The following APBA1 variants were observed in gnomAD, a reference collection of about 807,000 sequenced individuals.
APBA1 encodes amyloid beta precursor protein binding family A member 1.
APBA1 carries 55 observed loss-of-function variants against 86.6 expected under a neutral mutation model. The observed-to-expected ratio is 0.64, with a 90% CI of 0.51 to 0.80. APBA1 has a LOEUF of 0.80. APBA1 is among the 30% of genes least tolerant of loss of function. The pLI, the probability that APBA1 is intolerant of heterozygous loss-of-function variation, is 0.00. For missense variants in APBA1, 1,090 were observed against 1,183.0 expected (o/e 0.92, Z 1.15); for synonymous variants, 511 against 493.9 (o/e 1.03, Z -0.46).
chr9:69,545,436 C>T (rs776951744), intron 1 of APBA1, among the ~76,000 whole-genome samples: 1 of 152,164 alleles, frequency 6.6e-6, no homozygotes, highest in Non-Finnish European at 1.5e-5. Flanking sequence ...ATTTTCTTTC[C>T]TCTTTAAGCT....
At chr9:69,523,534 G>T (rs4128939) in intron 1 of APBA1, among the ~76,000 whole-genome samples, 262 of 102,690 alleles carry the variant, frequency 2.6e-3, no homozygotes, top group Non-Finnish European at 3.1e-3. Flanking sequence ...TATATATATA[G>T]ACACACACAC....
chr9:69,427,825 T>C lies in APBA1; in HGVS notation c.*3502A>G, dbSNP rs1834513633. Reference sequence around the variant, plus strand: ...AGTTTTGTGTATACAAAGAACGATATTGTTACAAATACAATACTATACTTC... The same window carrying C: ...AGTTTTGTGTATACAAAGAACGATACTGTTACAAATACAATACTATACTTC... On this transcript the variant is annotated 3_prime_UTR_variant, in exon 13 of 13. Coordinates refer to ENST00000265381, the MANE Select transcript of APBA1 (RefSeq NM_001163.4). 1 of 152,000 alleles carries C rather than the reference T, an allele frequency of 6.6e-6. No individual in the cohort carries two copies. The allele number at this position is 152,000 out of a possible 1,614,324, so 9.4% of individuals were successfully genotyped here.
intron 1 of APBA1, among the ~76,000 whole-genome samples, chr9:69,643,042 AC>A (rs764308484): frequency 3.8e-4 from 57 of 148,262 alleles, no homozygotes; most frequent in Middle Eastern, 3.5e-3. Context: ...ACACACACAC[AC>A]CCCTCCTCCC....
intron 2 of APBA1, among the ~76,000 whole-genome samples, chr9:69,497,223 C>A (rs1835813275): frequency 6.6e-6 from 1 of 151,964 alleles, no homozygotes; most frequent in South Asian, 2.1e-4. Flanking sequence ...TGGAAAACTC[C>A]CCCAGCAGCA....
At chr9:69,602,526 G>A (rs1247013740) in intron 1 of APBA1, among the ~76,000 whole-genome samples, 2 of 151,760 alleles carry the variant, frequency 1.3e-5, no homozygotes, top group African/African-American at 2.4e-5. Flanking sequence ...TGCCAAGATC[G>A]CGCCACTGCA....
intron 11 of APBA1, among the ~76,000 whole-genome samples, chr9:69,434,416 A>C (rs1437453179): frequency 6.7e-6 from 1 of 148,246 alleles, no homozygotes; most frequent in Non-Finnish European, 1.5e-5. Flanking sequence ...ACTGGCTTAA[A>C]ACAAAAAAAA....
At chr9:69,611,294 AAAAAAAAAAAC>A (rs1822582864) in intron 1 of APBA1, among the ~76,000 whole-genome samples, 1 of 151,040 alleles carries the variant, frequency 6.6e-6, no homozygotes, top group African/African-American at 2.4e-5. Context: ...GGAAAAAAAA[AAAAAAAAAAAC>A]AAAAAAAAAA....
chr9:69,470,807 G>C (rs1198341102), intron 4 of APBA1, among the ~76,000 whole-genome samples: 1 of 152,214 alleles, frequency 6.6e-6, no homozygotes, highest in Non-Finnish European at 1.5e-5. Context: ...CAGAGAGTGA[G>C]TGCCTCTTTG....
chr9:69,631,827 G>A (rs1823053352), intron 1 of APBA1, among the ~76,000 whole-genome samples: 1 of 152,186 alleles, frequency 6.6e-6, no homozygotes, highest in Admixed American at 6.5e-5. Flanking sequence ...AATGCCGCAT[G>A]TTCTCACTCA....
chr9:69,542,742 T>C (rs1836633745), intron 1 of APBA1, among the ~76,000 whole-genome samples: 1 of 152,232 alleles, frequency 6.6e-6, no homozygotes. Context: ...TTTAATTATG[T>C]TTAATGCCCC....
chr9:69,494,180 T>G (rs1835758656), intron 2 of APBA1: 1 of 152,132 alleles, frequency 6.6e-6, no homozygotes, highest in Non-Finnish European at 1.5e-5. Context: ...CTTAATGAAC[T>G]GTTTTATATA....
At chr9:69,569,649 G>A (rs765315852) in intron 1 of APBA1, among the ~76,000 whole-genome samples, 1 of 152,154 alleles carries the variant, frequency 6.6e-6, no homozygotes, top group Non-Finnish European at 1.5e-5. Context: ...AGGTGACTGA[G>A]GCAACGTTAC....
chr9:69,506,216 G>A lies in APBA1; in HGVS notation c.1200+9795C>T, dbSNP rs552662704. 2.5e-3 allele frequency among the ~76,000 whole-genome samples: 380 copies of A among 151,922 alleles called. 2 individuals are homozygous for A. Among genetic ancestry groups the A allele is most frequent in the African/African-American group, 8.4e-3 (347 of 41,402 alleles). ...GCGCAGGTCAGTGGGTGCGCGCACCGTGCGCGAGCCAAAGCAGGGCGAGGC... is the reference window on the plus strand; with the variant it reads ...GCGCAGGTCAGTGGGTGCGCGCACCATGCGCGAGCCAAAGCAGGGCGAGGC... On this transcript the variant is annotated intron_variant, in intron 2 of 12. Transcript: ENST00000265381.
At chr9:69,523,348 C>T (rs1588339646) in intron 1 of APBA1, among the ~76,000 whole-genome samples, 1 of 151,450 alleles carries the variant, frequency 6.6e-6, no homozygotes, top group East Asian at 1.9e-4. Flanking sequence ...CAAAAGGCAT[C>T]ATACCATCTT....
intron 1 of APBA1, among the ~76,000 whole-genome samples, chr9:69,543,543 A>G (rs538619601): frequency 4.7e-4 from 72 of 152,268 alleles, no homozygotes; most frequent in African/African-American, 1.7e-3. Context: ...CTCTAGGCTG[A>G]GAAGGTCATG....
At chr9:69,544,156 GAA>G (rs1836661301) in intron 1 of APBA1, among the ~76,000 whole-genome samples, 1 of 152,152 alleles carries the variant, frequency 6.6e-6, no homozygotes, top group Non-Finnish European at 1.5e-5. Flanking sequence ...CAATATCTAT[GAA>G]AAGAGTTTGC....
intron 2 of APBA1, among the ~76,000 whole-genome samples, chr9:69,512,221 A>T (rs909897036): frequency 5.9e-5 from 9 of 152,164 alleles, no homozygotes; most frequent in African/African-American, 2.2e-4. Context: ...GAAGAAAATC[A>T]CATAAGTATT....
At position 69,517,009 on chromosome 9, in the gene APBA1, C is replaced by T; in HGVS notation, c.202G>A (p.Glu68Lys). 6.3e-7 allele frequency: 1 copy of T among 1,578,874 alleles called. No individual in the cohort carries two copies. Among genetic ancestry groups the T allele is most frequent in the East Asian group, 2.3e-5 (1 of 44,120 alleles). Residue 68 changes from glutamate (E) to lysine (K), a missense_variant, in exon 2 of 13, where the codon GAA becomes AAA. Glu to Lys is a moderately conservative substitution (Grantham distance 56). This residue lies in a region of APBA1 where 678 missense variants were observed against 647.1 expected (regional missense o/e 1.05). Transcript: ENST00000265381. ...EDLRAQLGQE[E>K]EERGECLARS... ...GCCAGGCATTCCCCGCGCTCCTCTTCCTCCTGGCCGAGCTGGGCGCGGAGG... is the reference window on the plus strand; with the variant it reads ...GCCAGGCATTCCCCGCGCTCCTCTTTCTCCTGGCCGAGCTGGGCGCGGAGG...
At chr9:69,496,207 C>A (rs915915471) in intron 2 of APBA1, among the ~76,000 whole-genome samples, 2 of 152,040 alleles carry the variant, frequency 1.3e-5, no homozygotes, top group Non-Finnish European at 2.9e-5. Flanking sequence ...CAGAGAGACG[C>A]CCCCAGAGCT....
Sources: gnomAD v4.1 joint callset for allele counts (sites outside exome capture counted in the v4.1 genomes callset) on GRCh38, gnomAD v4.1.1 for gene constraint, gnomAD v4.1.1 regional missense constraint, MANE v1.5 for transcripts, NCBI Gene and HGNC (gene_info 2026-07-23, HGNC 2026-07-21) for gene names.